The following EIF3L variants were observed in gnomAD, a reference collection of about 807,000 sequenced individuals.
The protein encoded by EIF3L is eIEF associated protein HSPC021.
EIF3L carries 32 observed loss-of-function variants against 74.6 expected under a neutral mutation model. The observed-to-expected ratio is 0.43, with a 90% CI of 0.32 to 0.58. EIF3L has a LOEUF of 0.58. Among genes scored for constraint, EIF3L ranks in the 20% least tolerant of loss-of-function variants. EIF3L has a pLI of 0.06. For missense variants in EIF3L, 474 were observed against 707.8 expected (o/e 0.67, Z 3.75); for synonymous variants, 256 against 254.4 (o/e 1.01, Z -0.06).
chr22:37,859,374 C>CTTTTTTGTTTTTT (rs1925720261), intron 5 of EIF3L, among the ~76,000 whole-genome samples: 1 of 79,162 alleles, frequency 1.3e-5, no homozygotes, highest in Admixed American at 1.7e-4. Context: ...CGTGAAGTTT[C>CTTTTTTGTTTTTT]TTTTTTTTTT....
chr22:37,872,869 A>G (rs1037311284), intron 8 of EIF3L, among the ~76,000 whole-genome samples: 2 of 152,004 alleles, frequency 1.3e-5, no homozygotes, highest in Non-Finnish European at 2.9e-5. Flanking sequence ...TTCATGTGTG[A>G]GCCACTGTGC....
intron 4 of EIF3L, among the ~76,000 whole-genome samples, chr22:37,856,011 T>C (rs1925482286): frequency 6.6e-6 from 1 of 151,712 alleles, no homozygotes; most frequent in African/African-American, 2.4e-5. Flanking sequence ...TGCTTGTGGA[T>C]ATTCAGCTAC....
chr22:37,883,311 A>AC (rs1258764212), intron 11 of EIF3L: 3 of 155,412 alleles, frequency 1.9e-5, no homozygotes, highest in African/African-American at 7.4e-5. Flanking sequence ...AAAAAAAAAA[A>AC]AAAAAAACTT....
intron 10 of EIF3L, 163 bp from the exon 11 acceptor site, chr22:37,877,511 T>G: frequency 1.2e-6 from 1 of 808,864 alleles, no homozygotes; most frequent in South Asian, 1.9e-5. Flanking sequence ...GTTAGGTAGA[T>G]CTAGAGGGAG....
intron 11 of EIF3L, chr22:37,883,296 CAAAAAAAAAAAA>C (rs111310614): frequency 2.6e-5 from 1 of 38,442 alleles, no homozygotes; most frequent in Non-Finnish European, 5.5e-5. Flanking sequence ...AACTCCGTCT[CAAAAAAAAAAAA>C]AAAAAAAAAA....
chr22:37,873,562 G>A (rs1926592073), intron 8 of EIF3L, among the ~76,000 whole-genome samples: 1 of 151,970 alleles, frequency 6.6e-6, no homozygotes, highest in South Asian at 2.1e-4. Flanking sequence ...CAAAGTGCTG[G>A]GATTACAGGC....
Position 37,860,530 on chromosome 22 carries a change from G to A in EIF3L, c.435+1790G>A, listed in dbSNP as rs143684726. Among the ~76,000 whole-genome samples, 500 of 152,128 alleles carry A rather than the reference G, an allele frequency of 3.3e-3. 2 individuals are homozygous for A. The highest frequency in any genetic ancestry group is 0.011 in the African/African-American group (475 of 41,510). On this transcript the variant is annotated intron_variant, in intron 5 of 12. Transcript: ENST00000652021. ...TGGGATTACAGGCATGCACCACCAC[G>A]CCTGGCTAATTTTTGTATTTTTAGT...
chr22:37,864,692 C>G (rs1179269063), intron 7 of EIF3L, among the ~76,000 whole-genome samples: 1 of 152,078 alleles, frequency 6.6e-6, no homozygotes, highest in Non-Finnish European at 1.5e-5. Flanking sequence ...GTGCCCACCA[C>G]CACGCCCAGC....
chr22:37,884,411 A>G (rs1181008606), intron 11 of EIF3L: 2 of 151,970 alleles, frequency 1.3e-5, no homozygotes, highest in African/African-American at 2.4e-5. Context: ...GTGTGAACAT[A>G]TGTTTTTAAT....
chr22:37,856,402 T>A (rs1465788361), intron 4 of EIF3L, among the ~76,000 whole-genome samples: 2 of 152,152 alleles, frequency 1.3e-5, no homozygotes, highest in Non-Finnish European at 2.9e-5. Flanking sequence ...TAAAAATTTT[T>A]TGTAGATACC....
chr22:37,865,965 G>A (rs947246899), intron 7 of EIF3L, among the ~76,000 whole-genome samples: 2 of 152,174 alleles, frequency 1.3e-5, no homozygotes, highest in South Asian at 4.1e-4. Flanking sequence ...TCAGTAAGTG[G>A]CTGGTGTATT....
At chr22:37,869,924 C>T (rs769343369) in intron 7 of EIF3L, among the ~76,000 whole-genome samples, 1 of 152,166 alleles carries the variant, frequency 6.6e-6, no homozygotes, top group Non-Finnish European at 1.5e-5. Flanking sequence ...GTTTTTACCA[C>T]AGACTACCTC....
At chr22:37,887,287 C>T (rs117469984) in intron 12 of EIF3L, 3,261 of 151,730 alleles carry the variant, frequency 0.021, 47 homozygotes, top group East Asian at 0.029. Flanking sequence ...CCTGGGCAAC[C>T]GAGCAAGACC....
rs1925093315 is a variant in EIF3L at position 37,850,011 on chromosome 22, C to T, written c.34-4C>T. 6.2e-7 allele frequency: 1 copy of T among 1,613,706 alleles called. No homozygotes were observed. Among genetic ancestry groups the T allele is most frequent in the Non-Finnish European group, 8.5e-7 (1 of 1,179,732 alleles). On this transcript the variant is annotated splice_region_variant and splice_polypyrimidine_tract_variant and intron_variant, in intron 1 of 12. Transcript: ENST00000652021. Reference sequence around the variant, plus strand: ...TGTCCTTGACTGTGTCTCTTTCCTTCTAGGCGGCTTATGACCCCTACGCTT... The same window carrying T: ...TGTCCTTGACTGTGTCTCTTTCCTTTTAGGCGGCTTATGACCCCTACGCTT...
In EIF3L at chr22:37,875,903, T is replaced by C. The variant is rs1347203037; in HGVS notation, c.969T>C (p.Tyr323=). The change falls in exon 10 of 13, where the codon TAT becomes TAC. Residue 323 remains tyrosine, a synonymous_variant. Coordinates refer to ENST00000652021, the MANE Select transcript of EIF3L (RefSeq NM_016091.4). The stretch of plus-strand genomic sequence containing the variant: ...CATACTATTATGTTGGGTTTGCATA[T>C]TTGATGATGCGTCGTTACCAGGATG... ...VTTYYYVGFA[Y]LMMRRYQDAI... is the part of the protein sequence containing the mutation. 5.0e-6 allele frequency: 8 copies of C among 1,614,152 alleles called. No individual in the cohort carries two copies. The highest frequency in any genetic ancestry group is 1.7e-5 in the Admixed American group (1 of 60,000).
rs757671657 is a variant in EIF3L, at chr22:37,858,716, C to T, written c.411C>T (p.Tyr137=). The change falls in exon 5 of 13, where the codon TAC becomes TAT. Residue 137 remains tyrosine (Y), a synonymous_variant. Transcript: ENST00000652021. ...VFLILYKELY[Y]RHIYAKVSGG... ...TGATTTTATACAAAGAATTATACTA[C>T]AGGCACATATATGCCAAAGTCAGTG... 3.7e-6 allele frequency: 6 copies of T among 1,608,884 alleles called. No individual in the cohort carries two copies. The highest frequency in any genetic ancestry group is 2.2e-5 in the South Asian group (2 of 89,016).
chr22:37,851,400 A>G lies in EIF3L; in HGVS notation c.203A>G (p.Asp68Gly). 1.2e-6 allele frequency: 2 copies of G among 1,614,092 alleles called. No homozygotes were observed. Among genetic ancestry groups the G allele is most frequent in the Non-Finnish European group, 1.7e-6 (2 of 1,179,976 alleles). Reference sequence around the variant, plus strand: ...CACAAAACTGTCTCAGATTTGATTGACCAGAAAGTGTATGAGCTACAGGCC... The same window carrying G: ...CACAAAACTGTCTCAGATTTGATTGGCCAGAAAGTGTATGAGCTACAGGCC... ...YFHKTVSDLIDQKVYELQASR... is the reference protein window; with the variant it reads ...YFHKTVSDLIGQKVYELQASR... The change falls in exon 3 of 13, where the codon GAC becomes GGC. Residue 68 changes from aspartate to glycine, a missense_variant. By Grantham distance (94) the Asp-to-Gly change is moderately conservative (BLOSUM62 -1). Around this residue, in one of 4 missense-constraint regions of EIF3L, gnomAD observed 141 missense variants for 197.7 expected, o/e 0.71. Coordinates refer to ENST00000652021, the MANE Select transcript of EIF3L (RefSeq NM_016091.4).
chr22:37,862,435 A>C (rs919544731), intron 5 of EIF3L, among the ~76,000 whole-genome samples: 4 of 152,122 alleles, frequency 2.6e-5, no homozygotes, highest in African/African-American at 7.2e-5. Context: ...CTGTTCAGCT[A>C]TGTCTTTGTG....
At chr22:37,868,291 T>TTG (rs1167861260) in intron 7 of EIF3L, among the ~76,000 whole-genome samples, 1 of 150,480 alleles carries the variant, frequency 6.6e-6, no homozygotes, top group Non-Finnish European at 1.5e-5. Flanking sequence ...TTTTTTTTTT[T>TTG]TTTTTGCATT....
Sources: gnomAD v4.1 joint callset for allele counts (sites outside exome capture counted in the v4.1 genomes callset) on GRCh38, gnomAD v4.1.1 for gene constraint, gnomAD v4.1.1 regional missense constraint, MANE v1.5 for transcripts, NCBI Gene and HGNC (gene_info 2026-07-23, HGNC 2026-07-21) for gene names.